FYCO1: variants seen among roughly 807,000 people sequenced by gnomAD.
FYCO1 encodes FYVE and coiled-coil domain-containing protein 1.
Under a neutral mutation model 165.1 loss-of-function variants are expected in FYCO1, and 122 were observed. That is an observed-to-expected ratio of 0.74 (90% CI 0.64 to 0.86). FYCO1 has a LOEUF of 0.86. Among genes scored for constraint, FYCO1 ranks in the 40% least tolerant of loss-of-function variants. The pLI, the probability that FYCO1 is intolerant of heterozygous loss-of-function variation, is 0.00. For missense variants in FYCO1, 1,702 were observed against 1,810.3 expected (o/e 0.94, Z 1.09); for synonymous variants, 648 against 742.5 (o/e 0.87, Z 2.07).
At chr3:45,937,724 C>G (rs1703979027) in intron 14 of FYCO1, among the ~76,000 whole-genome samples, 1 of 152,256 alleles carries the variant, frequency 6.6e-6, no homozygotes, top group Non-Finnish European at 1.5e-5. Context: ...GCTGCAGCAC[C>G]TGCTGCCACC....
intron 14 of FYCO1, among the ~76,000 whole-genome samples, chr3:45,938,596 C>T (rs553290358): frequency 2.0e-5 from 3 of 152,330 alleles, no homozygotes; most frequent in African/African-American, 4.8e-5. Context: ...CTGGTTCAAG[C>T]GATTTTCCTG....
rs1272471952 is a variant in FYCO1 at position 45,952,293 on chromosome 3, A to AT, written c.3944+2955dup. On this transcript the variant is annotated intron_variant, in intron 14 of 17. Coordinates refer to ENST00000296137, the MANE Select transcript of FYCO1 (RefSeq NM_024513.4). ...ATCCCTTCTTACCTTGGATTTGCTT[A>AT]TTTTTTCCCGAAGTTTCTTGCCAGG... Among the ~76,000 whole-genome samples the AT allele has an allele frequency of 1.1e-4, 17 of 151,590 alleles. 1 individual carries two copies. Among genetic ancestry groups the AT allele is most frequent in the Admixed American group, 1.1e-3 (16 of 15,206 alleles).
At position 45,934,198 on chromosome 3, in the gene FYCO1, G is replaced by A. The variant is rs1029224104; in HGVS notation, c.4040+2250C>T. Among the ~76,000 whole-genome samples, 11 of 152,134 alleles carry A rather than the reference G, an allele frequency of 7.2e-5. 1 individual carries two copies. Among genetic ancestry groups the A allele is most frequent in the African/African-American group, 2.7e-4 (11 of 41,426 alleles). ...GTATCACTGGAGTCCCAAATGGAGAGGGAAAATAGAGTGCATCTGAAAAAA... is the reference window on the plus strand; with the variant it reads ...GTATCACTGGAGTCCCAAATGGAGAAGGAAAATAGAGTGCATCTGAAAAAA... On this transcript the variant is annotated intron_variant, in intron 15 of 17. Coordinates refer to ENST00000296137, the MANE Select transcript of FYCO1 (RefSeq NM_024513.4).
At chr3:45,953,907 T>A (rs550781315) in intron 14 of FYCO1, among the ~76,000 whole-genome samples, 15 of 152,328 alleles carry the variant, frequency 9.8e-5, no homozygotes, top group Non-Finnish European at 1.2e-4. Context: ...TCAGAGACAA[T>A]TGCAACTAAA....
In FYCO1 at chr3:45,967,539, G is replaced by A. The variant is rs368171392; in HGVS notation, c.1795C>T (p.Gln599Ter). 2 of 1,613,844 alleles carry A rather than the reference G, an allele frequency of 1.2e-6. No individual in the cohort carries two copies. The highest frequency in any genetic ancestry group is 1.7e-6 in the Non-Finnish European group (2 of 1,179,952). Residue 599 changes from glutamine (Q) to a stop codon, truncating the protein, a stop_gained, in exon 8 of 18, where the codon CAG becomes TAG. Transcript: ENST00000296137. LOFTEE classifies it high-confidence loss of function. The stretch of plus-strand genomic sequence containing the variant: ...TCTTGCACCTTGGTATCGTCTAACT[G>A]TGCCTCCTGCAGGCCCCTCTGCTCC... ...EEEQRGLQEA[Q>*]LDDTKVQEGS...
chr3:45,959,613 T>A, intron 11 of FYCO1, 71 bp from the exon 12 acceptor site: 8 of 1,487,484 alleles, frequency 5.4e-6, no homozygotes, highest in Non-Finnish European at 7.4e-6. Flanking sequence ...CTTCTTCATT[T>A]CAAAAGACTG....
Position 45,923,744 on chromosome 3 carries a change from A to G in FYCO1, c.4273T>C (p.Cys1425Arg). Residue 1425 changes from cysteine (C) to arginine (R), a missense_variant, in exon 17 of 18, where the codon TGC (cysteine) becomes CGC (arginine). By Grantham distance (180) the Cys-to-Arg change is radical (BLOSUM62 -3). Coordinates refer to ENST00000296137, the MANE Select transcript of FYCO1 (RefSeq NM_024513.4). Reference protein sequence around the residue: ...QCKVLIPTTRCNSHKENIQGQ... With the variant: ...QCKVLIPTTRRNSHKENIQGQ... ...TGGATGTTCTCCTTGTGGGAGTTGCATCGGGTCGTGGGAATGAGGACCTGG... is the reference window on the plus strand; with the variant it reads ...TGGATGTTCTCCTTGTGGGAGTTGCGTCGGGTCGTGGGAATGAGGACCTGG... The G allele has an allele frequency of 1.2e-6, 2 of 1,614,082 alleles. No homozygotes were observed. The highest frequency in any genetic ancestry group is 1.7e-6 in the Non-Finnish European group (2 of 1,179,956).
intron 5 of FYCO1, among the ~76,000 whole-genome samples, chr3:45,974,583 A>G (rs1393961390): frequency 2.0e-5 from 3 of 152,156 alleles, no homozygotes; most frequent in Admixed American, 2.0e-4. Context: ...AATTTGGAAT[A>G]CTCCAAAAGG....
chr3:45,964,595 A>G lies in FYCO1; in HGVS notation c.3151-141T>C. 6.7e-7 allele frequency: 1 copy of G among 1,500,134 alleles called. No individual in the cohort carries two copies. Among genetic ancestry groups the G allele is most frequent in the South Asian group, 1.2e-5 (1 of 82,704 alleles). The allele number at this position is 1,500,134 out of a possible 1,614,324, so 92.9% of individuals were successfully genotyped here. A position where few individuals can be genotyped will look rare whatever the true frequency, so the allele number is the denominator to read the frequency against. On this transcript the variant is annotated intron_variant, in intron 9 of 17. Transcript: ENST00000296137. This position sits in a 1 kb window ranked among gnomAD's most constrained non-coding sequence, Gnocchi z 4.1. ...TGTTTCCTATTAAGTTCAAGAGGCC[A>G]TGAACCTCTGCTCTATATTTGTGGG...
intron 16 of FYCO1, among the ~76,000 whole-genome samples, chr3:45,927,256 T>C (rs1221534636): frequency 1.3e-5 from 2 of 152,154 alleles, no homozygotes; most frequent in African/African-American, 2.4e-5. Flanking sequence ...AGCCAAACGA[T>C]TGGACACCCT....
chr3:45,946,814 T>G, intron 14 of FYCO1: 1 of 1,614,230 alleles, frequency 6.2e-7, no homozygotes. Flanking sequence ...TCTACACTAT[T>G]AACTTCTACA....
intron 14 of FYCO1, among the ~76,000 whole-genome samples, chr3:45,952,322 G>A (rs1474664348): frequency 6.6e-6 from 1 of 152,072 alleles, no homozygotes; most frequent in Non-Finnish European, 1.5e-5. Flanking sequence ...TGCCAGGGAT[G>A]CTTACACAAA....
chr3:45,962,080 G>C lies in FYCO1; in HGVS notation c.3437+145C>G. The C allele has an allele frequency of 2.3e-6, 2 of 881,902 alleles. No homozygotes were observed. The highest frequency in any genetic ancestry group is 4.8e-5 in the East Asian group (2 of 41,360). The allele number at this position is 881,902 out of a possible 1,614,324, so 54.6% of individuals were successfully genotyped here. Reference sequence around the variant, plus strand: ...GGGACTCTAGTACTGGGGAAAGTGAGATGGAGAAGGAGAGAGGGGCTCCTG... The same window carrying C: ...GGGACTCTAGTACTGGGGAAAGTGACATGGAGAAGGAGAGAGGGGCTCCTG... On this transcript the variant is annotated intron_variant, in intron 11 of 17. Transcript: ENST00000296137. The surrounding 1 kb of genome is among the most constrained non-coding windows in gnomAD (Gnocchi z 4.4).
At chr3:45,951,029 T>A (rs182582280) in intron 14 of FYCO1, among the ~76,000 whole-genome samples, 5 of 152,224 alleles carry the variant, frequency 3.3e-5, no homozygotes, top group African/African-American at 1.2e-4. Flanking sequence ...CTGGTAAAGA[T>A]GCTCTGAGGG....
rs1443951805 is a variant in FYCO1 at position 45,928,143 on chromosome 3, A to G, written c.4251+2928T>C. 2.6e-5 allele frequency among the ~76,000 whole-genome samples: 4 copies of G among 152,338 alleles called. No individual in the cohort carries two copies. The East Asian group carries it at 5.8e-4, about 22-fold the overall frequency. The stretch of plus-strand genomic sequence containing the variant: ...CAGAATTTCTTTTTTGGAGTGATGG[A>G]AAGAATCTAAAATTAGACAGTGGTA... On this transcript the variant is annotated intron_variant, in intron 16 of 17. Coordinates refer to ENST00000296137, the MANE Select transcript of FYCO1 (RefSeq NM_024513.4).
chr3:45,934,129 G>C (rs1187691376), intron 15 of FYCO1, among the ~76,000 whole-genome samples: 1 of 152,196 alleles, frequency 6.6e-6, no homozygotes, highest in East Asian at 1.9e-4. Flanking sequence ...AAAAAGAACA[G>C]AGCCTGAGGA....
At position 45,968,382 on chromosome 3, in the gene FYCO1, A is replaced by T; in HGVS notation, c.952T>A (p.Cys318Ser). The T allele has an allele frequency of 6.2e-7, 1 of 1,613,608 alleles. No individual in the cohort carries two copies. The highest frequency in any genetic ancestry group is 8.5e-7 in the Non-Finnish European group (1 of 1,179,906). Residue 318 changes from cysteine (C) to serine (S), a missense_variant, in exon 8 of 18, where the codon TGC (cysteine) becomes AGC (serine). Cys to Ser is a moderately radical substitution (Grantham distance 112). Transcript: ENST00000296137. ...GCTCCTAGCTCCAGGCCCTGCAGGC[A>T]TGTCTGCAGCTCCTTCACAGTGTTC... ...TQNTVKELQT[C>S]LQGLELGAAE...
intron 16 of FYCO1, among the ~76,000 whole-genome samples, chr3:45,924,192 A>T (rs1703216893): frequency 6.6e-6 from 1 of 151,990 alleles, no homozygotes; most frequent in South Asian, 2.1e-4. Flanking sequence ...CCAGATAACA[A>T]TCTTCCAGGC....
Position 45,967,665 on chromosome 3 carries a change from C to G in FYCO1, c.1669G>C (p.Ala557Pro). 6.4e-7 allele frequency: 1 copy of G among 1,554,842 alleles called. No individual in the cohort carries two copies. The highest frequency in any genetic ancestry group is 8.6e-7 in the Non-Finnish European group (1 of 1,158,012). The change falls in exon 8 of 18, where the codon GCT becomes CCT. Residue 557 changes from alanine (A) to proline (P), a missense_variant. By Grantham distance (27) the Ala-to-Pro change is conservative. Transcript: ENST00000296137. ...SQQVGMLERL[A>P]GPPGPELPVA... ...GGCAGTTCTGGGCCAGGCGGCCCAG[C>G]AAGCCGCTCGAGCATACCCACCTGC...
Sources: allele counts gnomAD v4.1 joint callset (sites outside exome capture counted in the v4.1 genomes callset), GRCh38; gene constraint gnomAD v4.1.1; non-coding constraint Gnocchi (gnomAD v3.1); transcripts MANE v1.5; gene names NCBI Gene and HGNC (gene_info 2026-07-23, HGNC 2026-07-21).